The following PACRG variants were observed in gnomAD, a reference collection of about 807,000 sequenced individuals.
The protein encoded by PACRG is parkin coregulated.
Under a neutral mutation model 29.7 loss-of-function variants are expected in PACRG, and 29 were observed. That is an observed-to-expected ratio of 0.98 (90% CI 0.73 to 1.33). The LOEUF (loss-of-function observed/expected upper bound fraction) is 1.33, where lower values mean the gene tolerates loss of function less well. Ranked by LOEUF, PACRG falls within the 40% of genes most tolerant of loss-of-function variation. The probability of loss-of-function intolerance (pLI) is 0.00; values close to 1 mark genes in which losing one functional copy is unlikely to be tolerated. For missense variants in PACRG, 279 were observed against 316.2 expected, an observed-to-expected ratio of 0.88 and a Z score of 0.89; for synonymous variants, 116 against 118.7, an observed-to-expected ratio of 0.98 and a Z score of 0.15.
At chr6:162,942,909 A>G (rs12203136) in intron 2 of PACRG, among the ~76,000 whole-genome samples, 3,180 of 152,360 alleles carry the variant, frequency 0.021, 46 homozygotes, top group Non-Finnish European at 0.03. Context: ...AGACACTGGA[A>G]TTCAACAAAG....
At chr6:163,221,167 A>T (rs1781569422) in intron 4 of PACRG, among the ~76,000 whole-genome samples, 1 of 152,220 alleles carries the variant, frequency 6.6e-6, no homozygotes, top group African/African-American at 2.4e-5. Flanking sequence ...CTTGGAAGTA[A>T]ATGGCACATG....
chr6:163,036,663 A>G (rs1415490932), intron 2 of PACRG, among the ~76,000 whole-genome samples: 1 of 152,240 alleles, frequency 6.6e-6, no homozygotes, highest in Non-Finnish European at 1.5e-5. Context: ...AAAGTCACAC[A>G]AAATGACTTG....
At chr6:162,824,499 C>A (rs1282727127) in intron 2 of PACRG, among the ~76,000 whole-genome samples, 2 of 152,146 alleles carry the variant, frequency 1.3e-5, no homozygotes, top group Non-Finnish European at 2.9e-5. Flanking sequence ...TGTTATTATA[C>A]AGATTTGCCG....
rs796413643 is a variant in PACRG at position 163,100,749 on chromosome 6, T to G, written c.613+11341T>G. On this transcript the variant is annotated intron_variant, in intron 4 of 4. Coordinates refer to ENST00000366888, the MANE Select transcript of PACRG (RefSeq NM_001080379.2). Reference sequence around the variant, plus strand: ...ATTGCCTTTCTTAAAAATCTGTAATTTTTACTTTGACAGAATGGAATATAA... The same window carrying G: ...ATTGCCTTTCTTAAAAATCTGTAATGTTTACTTTGACAGAATGGAATATAA... 1.6e-5 allele frequency: 16 copies of G among 974,778 alleles called. No individual in the cohort carries two copies. The African/African-American group carries it at 2.5e-4, about 15-fold the overall frequency. 60.4% of individuals were successfully genotyped at this position (974,778 alleles called of 1,614,324 possible).
rs181932921 is a variant in PACRG at position 162,952,345 on chromosome 6, G to C, written c.292-109805G>C. Among the ~76,000 whole-genome samples, 5 of 152,186 alleles carry C rather than the reference G, an allele frequency of 3.3e-5. No individual in the cohort carries two copies. The East Asian group carries it at 9.7e-4, about 29-fold the overall frequency. ...AGGTATTAAAACTTAGGAACCCCTT[G>C]TTGTATATAGATTACTAAATTTTCA... On this transcript the variant is annotated intron_variant, in intron 2 of 4. Transcript: ENST00000366888.
At chr6:162,854,161 T>TG (rs1282144521) in intron 2 of PACRG, among the ~76,000 whole-genome samples, 3 of 93,180 alleles carry the variant, frequency 3.2e-5, no homozygotes, top group African/African-American at 1.2e-4. Flanking sequence ...GACCATTTTC[T>TG]TTCTGTTTTT....
intron 4 of PACRG, among the ~76,000 whole-genome samples, chr6:163,311,898 T>A (rs946075548): frequency 3.3e-5 from 5 of 152,182 alleles, no homozygotes; most frequent in Non-Finnish European, 7.3e-5. Context: ...TGCCTTAAGC[T>A]TTCCATTGTG....
At chr6:162,861,005 C>T (rs1791811228) in intron 2 of PACRG, among the ~76,000 whole-genome samples, 1 of 152,172 alleles carries the variant, frequency 6.6e-6, no homozygotes. Context: ...GGTGAGGCCT[C>T]TTCCTGTAAA....
At chr6:163,248,165 G>T (rs537450777) in intron 4 of PACRG, among the ~76,000 whole-genome samples, 4 of 152,358 alleles carry the variant, frequency 2.6e-5, no homozygotes, top group Non-Finnish European at 4.4e-5. Context: ...AGTGCCAGGC[G>T]GAGAGGTTGT....
intron 2 of PACRG, among the ~76,000 whole-genome samples, chr6:162,913,217 C>T (rs1239720213): frequency 1.3e-5 from 2 of 152,132 alleles, no homozygotes; most frequent in East Asian, 1.9e-4. Context: ...TCAGGAAGCA[C>T]GATAATCAAC....
At chr6:163,130,541 C>T in intron 4 of PACRG, among the ~76,000 whole-genome samples, 1 of 152,106 alleles carries the variant, frequency 6.6e-6, no homozygotes, top group East Asian at 1.9e-4. Flanking sequence ...AGCATCTGAC[C>T]ACAGCACCTC....
intron 2 of PACRG, among the ~76,000 whole-genome samples, chr6:162,883,418 T>C (rs1298078849): frequency 6.6e-6 from 1 of 152,232 alleles, no homozygotes; most frequent in African/African-American, 2.4e-5. Flanking sequence ...AAATATCTGG[T>C]ACATTACAAA....
rs1344950292 is a variant in PACRG at position 163,083,050 on chromosome 6, C to CCTCTTTT, written c.464-6198_464-6192dup. On this transcript the variant is annotated intron_variant, in intron 3 of 4. Coordinates refer to ENST00000366888, the MANE Select transcript of PACRG (RefSeq NM_001080379.2). The stretch of plus-strand genomic sequence containing the variant: ...TAACATGGTGTCTATCAGGGCGTCT[C>CCTCTTTT]CTCTTTTCTCTTTTCTCAAACCTGT... 2.0e-5 allele frequency among the ~76,000 whole-genome samples: 3 copies of CCTCTTTT among 152,150 alleles called. No individual in the cohort carries two copies. In the East Asian group the frequency reaches 5.8e-4, roughly 29 times the overall value.
intron 4 of PACRG, among the ~76,000 whole-genome samples, chr6:163,104,112 G>T (rs1815252895): frequency 3.3e-5 from 5 of 152,188 alleles, no homozygotes; most frequent in African/African-American, 9.7e-5. Context: ...AGTAGCTGTT[G>T]CTGATCTTCA....
chr6:163,240,499 GTCC>G lies in PACRG; in HGVS notation c.614-74327_614-74325del, dbSNP rs1782456472. ...TGTGAGTACAGGGTGAGGTCACGGG[GTCC>G]AATGGTCGCCTTGCCTGACGCCCTG... On this transcript the variant is annotated intron_variant, in intron 4 of 4. Transcript: ENST00000366888. 3.9e-5 allele frequency among the ~76,000 whole-genome samples: 6 copies of G among 152,160 alleles called. No individual in the cohort carries two copies. The South Asian group carries it at 1.2e-3, about 32-fold the overall frequency.
Position 163,133,442 on chromosome 6 carries a change from C to G in PACRG, c.613+44034C>G, listed in dbSNP as rs1375637219. Among the ~76,000 whole-genome samples, 6 of 152,172 alleles carry G rather than the reference C, an allele frequency of 3.9e-5. 1 individual carries two copies. The highest frequency in any genetic ancestry group is 3.9e-4 in the Admixed American group (6 of 15,270). ...TGACTTTTTGTGTATAATCCCCAAGCAAAAGAAGTCTGATTCATGCTAAAT... is the reference window on the plus strand; with the variant it reads ...TGACTTTTTGTGTATAATCCCCAAGGAAAAGAAGTCTGATTCATGCTAAAT... On this transcript the variant is annotated intron_variant, in intron 4 of 4. Coordinates refer to ENST00000366888, the MANE Select transcript of PACRG (RefSeq NM_001080379.2).
At position 163,163,847 on chromosome 6, in the gene PACRG, G is replaced by T. The variant is rs533316553; in HGVS notation, c.613+74439G>T. ...AAAATACAAAGGTTGATAAATAATT[G>T]TGAAGATACATTTTCAAAGGGAAAA... is the stretch of plus-strand genomic sequence containing the variant. On this transcript the variant is annotated intron_variant, in intron 4 of 4. Transcript: ENST00000366888. Among the ~76,000 whole-genome samples the T allele has an allele frequency of 3.3e-5, 5 of 152,104 alleles. No individual in the cohort carries two copies. The East Asian group carries it at 7.7e-4, about 23-fold the overall frequency.
chr6:162,759,127 T>TC (rs1303915681), intron 1 of PACRG, among the ~76,000 whole-genome samples: 2 of 152,206 alleles, frequency 1.3e-5, no homozygotes, highest in Non-Finnish European at 2.9e-5. Flanking sequence ...GAGAAGCAGC[T>TC]CCCTAGAACA....
Position 162,968,509 on chromosome 6 carries a change from T to C in PACRG, c.292-93641T>C, listed in dbSNP as rs1035225104. Among the ~76,000 whole-genome samples, 61 of 152,178 alleles carry C rather than the reference T, an allele frequency of 4.0e-4. 1 individual carries two copies. The highest frequency in any genetic ancestry group is 1.4e-3 in the African/African-American group (58 of 41,444). ...AAACAGCATTTCCTTTTGAAAGGCA[T>C]ATGTTTTACTGTCAAACCAAACTTA... is the stretch of plus-strand genomic sequence containing the variant. On this transcript the variant is annotated intron_variant, in intron 2 of 4. Coordinates refer to ENST00000366888, the MANE Select transcript of PACRG (RefSeq NM_001080379.2).
Sources: gnomAD v4.1 joint callset for allele counts (sites outside exome capture counted in the v4.1 genomes callset) on GRCh38, gnomAD v4.1.1 for gene constraint, MANE v1.5 for transcripts, NCBI Gene and HGNC (gene_info 2026-07-23, HGNC 2026-07-21) for gene names.